The following RALYL variants were observed in gnomAD, a reference collection of about 807,000 sequenced individuals.
RALYL encodes the protein RALY RNA binding protein like.
A neutral mutation model predicts 35.1 loss-of-function variants in RALYL; 29 were observed. The observed-to-expected ratio is 0.83, with a 90% CI of 0.61 to 1.13. RALYL has a LOEUF of 1.13. Among genes scored for constraint, RALYL ranks in the 50% most tolerant of loss-of-function variants. The pLI is 0.00. For missense variants in RALYL, 359 were observed against 360.4 expected (o/e 1.00, Z 0.03); for synonymous variants, 120 against 127.6 (o/e 0.94, Z 0.40).
At chr8:84,821,527 A>G (rs1292152854) in intron 4 of RALYL, among the ~76,000 whole-genome samples, 1 of 152,210 alleles carries the variant, frequency 6.6e-6, no homozygotes, top group Non-Finnish European at 1.5e-5. Flanking sequence ...TTGCTTTTAG[A>G]GCTATTGTGA....
chr8:84,527,718 CT>C (rs1165271871), intron 1 of RALYL, among the ~76,000 whole-genome samples: 1 of 152,070 alleles, frequency 6.6e-6, no homozygotes, highest in East Asian at 1.9e-4. Flanking sequence ...ACTTTTCTTT[CT>C]TCAACTCTAC....
At chr8:84,697,793 T>C (rs987935827) in intron 2 of RALYL, among the ~76,000 whole-genome samples, 2 of 152,074 alleles carry the variant, frequency 1.3e-5, no homozygotes, top group Non-Finnish European at 2.9e-5. Context: ...TATGTGTCCA[T>C]ATGTTCTCAT....
intron 1 of RALYL, among the ~76,000 whole-genome samples, chr8:84,413,313 G>T (rs1014080802): frequency 6.6e-6 from 1 of 151,038 alleles, no homozygotes; most frequent in African/African-American, 2.4e-5. Context: ...TAATTCCAAA[G>T]AATTATAAAT....
intron 1 of RALYL, among the ~76,000 whole-genome samples, chr8:84,240,002 C>T (rs1249551308): frequency 6.6e-6 from 1 of 152,142 alleles, no homozygotes; most frequent in Non-Finnish European, 1.5e-5. Context: ...TTGATTTACA[C>T]AGTAAAAGTG....
At chr8:84,795,459 T>C (rs1261920500) in intron 3 of RALYL, among the ~76,000 whole-genome samples, 1 of 152,190 alleles carries the variant, frequency 6.6e-6, no homozygotes, top group East Asian at 1.9e-4. Context: ...GAGGATTAAA[T>C]ATGTGAAAAT....
chr8:84,509,694 A>G (rs1398492844), intron 1 of RALYL, among the ~76,000 whole-genome samples: 1 of 152,064 alleles, frequency 6.6e-6, no homozygotes, highest in Non-Finnish European at 1.5e-5. Context: ...TAATTTTTAT[A>G]AAGGGTGTAA....
At chr8:84,700,325 CATAAT>C (rs1839962984) in intron 2 of RALYL, among the ~76,000 whole-genome samples, 1 of 151,912 alleles carries the variant, frequency 6.6e-6, no homozygotes, top group South Asian at 2.1e-4. Context: ...ATTTCAGAAT[CATAAT>C]AATTGTAAAG....
rs567546468 is a variant in RALYL at position 84,856,983 on chromosome 8, G to C, written c.414-5313G>C. ...GCGGAGCTTGCAGTGAGCCGAGATTGCGCCACTGCAGTCCGCAGTCCGGCC... is the reference window on the plus strand; with the variant it reads ...GCGGAGCTTGCAGTGAGCCGAGATTCCGCCACTGCAGTCCGCAGTCCGGCC... On this transcript the variant is annotated intron_variant, in intron 5 of 8. Coordinates refer to ENST00000521268, the MANE Select transcript of RALYL (RefSeq NM_173848.7). 8.4e-5 allele frequency among the ~76,000 whole-genome samples: 12 copies of C among 142,696 alleles called. No individual in the cohort carries two copies. In the East Asian group the frequency reaches 2.2e-3, roughly 26 times the overall value. 93.6% of individuals were successfully genotyped at this position (142,696 alleles called of 152,430 possible).
intron 1 of RALYL, among the ~76,000 whole-genome samples, chr8:84,189,163 G>C (rs1316411454): frequency 6.6e-6 from 1 of 152,102 alleles, no homozygotes; most frequent in Non-Finnish European, 1.5e-5. Flanking sequence ...GAAAATTATG[G>C]AGTAGAACGT....
At chr8:84,602,069 A>G (rs1816097909) in intron 2 of RALYL, among the ~76,000 whole-genome samples, 1 of 151,920 alleles carries the variant, frequency 6.6e-6, no homozygotes, top group South Asian at 2.1e-4. Flanking sequence ...TCGTGACCTC[A>G]TCCTTCTCCT....
At chr8:84,307,021 A>C (rs372214057) in intron 1 of RALYL, among the ~76,000 whole-genome samples, 4,112 of 152,226 alleles carry the variant, frequency 0.027, 100 homozygotes, top group Non-Finnish European at 0.031. Flanking sequence ...CACACAGAGT[A>C]TGTGAACAAG....
chr8:84,202,465 C>T (rs532518185), intron 1 of RALYL, among the ~76,000 whole-genome samples: 45 of 150,788 alleles, frequency 3.0e-4, no homozygotes, highest in East Asian at 1.2e-3. Context: ...CTCCGCCTCC[C>T]GGGTTCAAGC....
intron 1 of RALYL, among the ~76,000 whole-genome samples, chr8:84,407,875 C>T (rs1442442145): frequency 6.6e-6 from 1 of 152,036 alleles, no homozygotes; most frequent in Non-Finnish European, 1.5e-5. Flanking sequence ...TTAAGGAACA[C>T]TCTAATTATC....
rs202129439 is a variant in RALYL, at chr8:84,503,168, G to T, written c.-23-26131G>T. Among the ~76,000 whole-genome samples, 39 of 152,020 alleles carry T rather than the reference G, an allele frequency of 2.6e-4. No homozygotes were observed. The East Asian group carries it at 6.4e-3, about 25-fold the overall frequency. On this transcript the variant is annotated intron_variant, in intron 1 of 8. Transcript: ENST00000521268. ...TTACTTTTCTTTCTCTTTTTTTAGA[G>T]ACAGGATCTAGCTGTGTTACCCAAG...
chr8:84,841,562 G>C (rs1299847855), intron 4 of RALYL, among the ~76,000 whole-genome samples: 4 of 152,116 alleles, frequency 2.6e-5, no homozygotes, highest in African/African-American at 9.7e-5. Flanking sequence ...AGATCAACGA[G>C]ACAGAAAGTT....
chr8:84,690,443 T>C (rs1348247869), intron 2 of RALYL, among the ~76,000 whole-genome samples: 3 of 152,010 alleles, frequency 2.0e-5, no homozygotes, highest in Non-Finnish European at 2.9e-5. Context: ...ATGAATAAGT[T>C]TGGGAGACCT....
chr8:84,194,644 A>C (rs1281507336), intron 1 of RALYL, among the ~76,000 whole-genome samples: 1 of 152,202 alleles, frequency 6.6e-6, no homozygotes, highest in Non-Finnish European at 1.5e-5. Context: ...TCAGAAGTCC[A>C]GATAGCAGGT....
At chr8:84,255,191 A>G (rs1830987614) in intron 1 of RALYL, among the ~76,000 whole-genome samples, 1 of 152,144 alleles carries the variant, frequency 6.6e-6, no homozygotes, top group South Asian at 2.1e-4. Context: ...TTGTATATGT[A>G]AGCTACTATG....
intron 1 of RALYL, among the ~76,000 whole-genome samples, chr8:84,244,169 C>T (rs1828593702): frequency 1.3e-5 from 2 of 151,964 alleles, no homozygotes; most frequent in Non-Finnish European, 2.9e-5. Flanking sequence ...ATAAATTTTC[C>T]AGTAATCCTA....
Sources: allele counts gnomAD v4.1 joint callset (sites outside exome capture counted in the v4.1 genomes callset), GRCh38; gene constraint gnomAD v4.1.1; transcripts MANE v1.5; gene names NCBI Gene and HGNC (gene_info 2026-07-23, HGNC 2026-07-21).